Variants in KIF21B observed in about 807,000 individuals in gnomAD.
The protein encoded by KIF21B is kinesin family member 21B.
Under a neutral mutation model 192.9 loss-of-function variants are expected in KIF21B, and 85 were observed. The observed-to-expected ratio is 0.44, with a 90% CI of 0.37 to 0.53. The LOEUF is 0.53. KIF21B is among the 20% of genes least tolerant of loss of function. KIF21B has a pLI of 0.00. For synonymous variants in KIF21B, 832 were observed against 884.6 expected, an observed-to-expected ratio of 0.94 and a Z score of 1.05; for missense variants, 1,716 against 2,194.8, an observed-to-expected ratio of 0.78 and a Z score of 4.36.
rs939521529 is a variant in KIF21B at position 201,000,796 on chromosome 1, G to A, written c.1403-16C>T. On this transcript the variant is annotated splice_polypyrimidine_tract_variant and intron_variant, in intron 9 of 34. Coordinates refer to ENST00000461742, the MANE Select transcript of KIF21B (RefSeq NM_001252102.2). This position sits in a 1 kb window ranked among gnomAD's most constrained non-coding sequence, Gnocchi z 6.0. ...TTGCCATCGCCTGGAGTGGGACGGC[G>A]GGAAGAAGGGTGCGATAAAGAAGAT... 6 of 1,613,934 alleles carry A rather than the reference G, an allele frequency of 3.7e-6. No homozygotes were observed. In the Admixed American group the frequency reaches 6.7e-5, roughly 18 times the overall value.
intron 6 of KIF21B, 74 bp from the exon 7 acceptor site, chr1:201,004,529 AC>A (rs754582293): frequency 1.2e-4 from 154 of 1,283,000 alleles, no homozygotes; most frequent in Non-Finnish European, 1.6e-4. Flanking sequence ...AAAATCCCCA[AC>A]CCATCTGTAC....
rs1196567761 is a variant in KIF21B, at chr1:200,970,972, C to T, written c.*2549G>A. 2 of 152,796 alleles carry T rather than the reference C, an allele frequency of 1.3e-5. No homozygotes were observed. Among genetic ancestry groups the T allele is most frequent in the Non-Finnish European group, 2.9e-5 (2 of 68,086 alleles). 9.5% of individuals were successfully genotyped at this position (152,796 alleles called of 1,614,324 possible). A position where few individuals can be genotyped will look rare whatever the true frequency, so the allele number is the denominator to read the frequency against. On this transcript the variant is annotated 3_prime_UTR_variant, in exon 35 of 35. Transcript: ENST00000461742. The stretch of plus-strand genomic sequence containing the variant: ...AGCAAGGGCAGCCCCCTGTCCCAGA[C>T]ACAGGCACCCCCAATCTCACTTTGG...
At chr1:200,991,286 C>A in intron 17 of KIF21B, 137 bp from the exon 18 acceptor site, 1 of 678,096 alleles carries the variant, frequency 1.5e-6, no homozygotes, top group Non-Finnish European at 2.6e-6. Context: ...TGCAAAAGGG[C>A]CAAGGGGTCT....
intron 31 of KIF21B, 115 bp from the exon 32 acceptor site, chr1:200,977,008 C>T (rs955822566): frequency 2.1e-5 from 20 of 969,300 alleles, no homozygotes; most frequent in Non-Finnish European, 2.8e-5. Context: ...CCTCCCCTCT[C>T]GCTCAAGGCA....
At position 200,974,814 on chromosome 1, in the gene KIF21B, A is replaced by T; in HGVS notation, c.4714T>A (p.Trp1572Arg). The change falls in exon 34 of 35, where the codon TGG becomes AGG. Residue 1572 changes from tryptophan (W) to arginine (R), a missense_variant. Trp to Arg is a moderately radical substitution (Grantham distance 101). This residue lies in a region of KIF21B where 580 missense variants were observed against 775.5 expected (regional missense o/e 0.75). Transcript: ENST00000461742. ...SACRAGVIKV[W>R]NVDNFTPIGE... Reference sequence around the variant, plus strand: ...ATGGGTGTGAAGTTGTCCACGTTCCAGACCTTGATGACACCCGCACGGCAG... The same window carrying T: ...ATGGGTGTGAAGTTGTCCACGTTCCTGACCTTGATGACACCCGCACGGCAG... The T allele has an allele frequency of 6.2e-7, 1 of 1,614,232 alleles. No individual in the cohort carries two copies. The highest frequency in any genetic ancestry group is 1.3e-5 in the African/African-American group (1 of 75,058).
chr1:201,004,715 CTG>C, intron 6 of KIF21B, 49 bp downstream of exon 6: 1 of 1,611,128 alleles, frequency 6.2e-7, no homozygotes, highest in Non-Finnish European at 8.5e-7. Context: ...TTGGAGGGGT[CTG>C]AGACTGAGCT....
intron 1 of KIF21B, among the ~76,000 whole-genome samples, chr1:201,020,560 G>A (rs1034142638): frequency 6.6e-6 from 1 of 152,198 alleles, no homozygotes; most frequent in African/African-American, 2.4e-5. Flanking sequence ...AGATGGGCCA[G>A]ATTCCATCTA....
intron 3 of KIF21B, 41 bp from the exon 4 acceptor site, chr1:201,005,735 T>G: frequency 6.2e-7 from 1 of 1,602,608 alleles, no homozygotes; most frequent in Non-Finnish European, 8.5e-7. Flanking sequence ...GGGCATTCAC[T>G]GGGGCCCCAG....
At chr1:201,005,202 C>T (rs1657739046) in intron 5 of KIF21B, 106 bp downstream of exon 5, 2 of 1,425,940 alleles carry the variant, frequency 1.4e-6, no homozygotes, top group Non-Finnish European at 1.9e-6. Flanking sequence ...TGGCAGAGGC[C>T]AGCCTCAATC....
chr1:200,995,073 C>T (rs1656961249), intron 15 of KIF21B, among the ~76,000 whole-genome samples: 2 of 152,258 alleles, frequency 1.3e-5, no homozygotes, highest in Admixed American at 6.5e-5. Context: ...GGCTTGGGCA[C>T]AGAGCCTGCC....
At chr1:201,001,257 A>G (rs537757652) in intron 9 of KIF21B, 2 of 159,530 alleles carry the variant, frequency 1.3e-5, no homozygotes, top group Non-Finnish European at 2.8e-5. Context: ...ACAGAGGTAT[A>G]CAAGCACTGT....
chr1:200,999,850 A>G lies in KIF21B; in HGVS notation c.1767+33T>C. ...ACCCCAGCAGGGACACAAGGCATGCATGTGGTGAGGTGGGGCGGCCCGTGC... is the reference window on the plus strand; with the variant it reads ...ACCCCAGCAGGGACACAAGGCATGCGTGTGGTGAGGTGGGGCGGCCCGTGC... On this transcript the variant is annotated intron_variant, in intron 12 of 34. Transcript: ENST00000461742. This position sits in a 1 kb window ranked among gnomAD's most constrained non-coding sequence, Gnocchi z 4.7. 2 of 1,607,172 alleles carry G rather than the reference A, an allele frequency of 1.2e-6. No individual in the cohort carries two copies. The highest frequency in any genetic ancestry group is 1.7e-6 in the Non-Finnish European group (2 of 1,175,426).
rs758635507 is a variant in KIF21B at position 200,999,454 on chromosome 1, G to C, written c.1780C>G (p.Arg594Gly). 2 of 1,613,668 alleles carry C rather than the reference G, an allele frequency of 1.2e-6. No homozygotes were observed. The highest frequency in any genetic ancestry group is 1.7e-5 in the Admixed American group (1 of 60,002). Residue 594 changes from arginine to glycine, a missense_variant, in exon 13 of 35, where the codon CGA becomes GGA. Transcript: ENST00000461742. The surrounding 1 kb of genome is among the most constrained non-coding windows in gnomAD (Gnocchi z 4.7). ...TCCTCCTCACAGCCACTCTCGTCTCGCTCTTCCTCCTCCTGGGCACCAGGC... is the reference window on the plus strand; with the variant it reads ...TCCTCCTCACAGCCACTCTCGTCTCCCTCTTCCTCCTCCTGGGCACCAGGC... The part of the protein sequence containing the change: ...ENEAEEEEEE[R>G]DESGCEEEEG...
chr1:200,990,803 C>T lies in KIF21B; in HGVS notation c.2688-80G>A, dbSNP rs967601937. The T allele has an allele frequency of 2.5e-5, 40 of 1,593,742 alleles. No individual in the cohort carries two copies. The highest frequency in any genetic ancestry group is 3.4e-5 in the Non-Finnish European group (40 of 1,165,634). On this transcript the variant is annotated intron_variant, in intron 18 of 34. Transcript: ENST00000461742. This position sits in a 1 kb window ranked among gnomAD's most constrained non-coding sequence, Gnocchi z 5.4. The stretch of plus-strand genomic sequence containing the variant: ...CCACTGAGCCCCCATCTGGAGCTGA[C>T]AGCCACGGGGACCCGGAGCACTCCC...
chr1:201,008,848 C>T lies in KIF21B; in HGVS notation c.368G>A (p.Gly123Asp), dbSNP rs1315405620. The T allele has an allele frequency of 6.2e-7, 1 of 1,610,038 alleles. No individual in the cohort carries two copies. Among genetic ancestry groups the T allele is most frequent in the Admixed American group, 1.7e-5 (1 of 60,018 alleles). The change falls in exon 3 of 35, where the codon GGC (glycine) becomes GAC (aspartate). Residue 123 changes from glycine (G) to aspartate (D), a missense_variant. Coordinates refer to ENST00000461742, the MANE Select transcript of KIF21B (RefSeq NM_001252102.2). ...IPRAIAHLFG[G>D]IAERKRRAQE... The stretch of plus-strand genomic sequence containing the variant: ...TGCCCGGCGCTTGCGCTCGGCAATG[C>T]CCCCAAAGAGGTGTGCGATGGCCCT...
In KIF21B at chr1:200,990,664, C is replaced by T; in HGVS notation, c.2747G>A (p.Trp916Ter). 1 of 1,614,188 alleles carries T rather than the reference C, an allele frequency of 6.2e-7. No individual in the cohort carries two copies. Among genetic ancestry groups the T allele is most frequent in the Non-Finnish European group, 8.5e-7 (1 of 1,180,026 alleles). ...AATGATCCGTCGCTCCAGGGACTGC[C>T]ACTTGAGCCTTGCCGCCTTACTGAA... is the stretch of plus-strand genomic sequence containing the variant. ...QSFSKAARLK[W>*]QSLERRIIDI... The change falls in exon 19 of 35, where the codon TGG becomes TAG. Residue 916 changes from tryptophan to a stop codon, truncating the protein, a stop_gained. Transcript: ENST00000461742. LOFTEE classifies it high-confidence loss of function. This position sits in a 1 kb window ranked among gnomAD's most constrained non-coding sequence, Gnocchi z 5.4.
rs1437697718 is a variant in KIF21B at position 200,976,793 on chromosome 1, T to C, written c.4426A>G (p.Lys1476Glu). The change falls in exon 32 of 35, where the codon AAG (lysine) becomes GAG (glutamate). Residue 1476 changes from lysine (K) to glutamate (E), a missense_variant. Lys to Glu is a moderately conservative substitution (Grantham distance 56). This residue lies in a region of KIF21B where 580 missense variants were observed against 775.5 expected (regional missense o/e 0.75). Coordinates refer to ENST00000461742, the MANE Select transcript of KIF21B (RefSeq NM_001252102.2). ...SQHDLVVTGS[K>E]DHYVKMFELG... is the part of the protein sequence containing the mutation. ...TGAGGTACCTTAACGTAGTGGTCCT[T>C]GGAGCCAGTCACCACGAGGTCATGC... The C allele has an allele frequency of 6.2e-7, 1 of 1,612,630 alleles. No homozygotes were observed. The highest frequency in any genetic ancestry group is 1.1e-5 in the South Asian group (1 of 90,966).
intron 34 of KIF21B, 52 bp downstream of exon 34, chr1:200,974,662 C>T: frequency 7.0e-7 from 1 of 1,436,552 alleles, no homozygotes; most frequent in Admixed American, 2.2e-5. Context: ...CCCCTGCCCA[C>T]ACCAGGAAGG....
intron 1 of KIF21B, among the ~76,000 whole-genome samples, chr1:201,012,229 C>T (rs879566507): frequency 4.6e-5 from 7 of 152,186 alleles, no homozygotes; most frequent in Non-Finnish European, 8.8e-5. Flanking sequence ...TGCCAGGGTG[C>T]AGGTGAGCAT....
Sources: gnomAD v4.1 joint callset for allele counts (sites outside exome capture counted in the v4.1 genomes callset) on GRCh38, gnomAD v4.1.1 for gene constraint, gnomAD v4.1.1 regional missense constraint, Gnocchi (gnomAD v3.1) non-coding constraint, MANE v1.5 for transcripts, NCBI Gene and HGNC (gene_info 2026-07-23, HGNC 2026-07-21) for gene names.